The following CBX7 variants were observed in gnomAD, a reference collection of about 807,000 sequenced individuals.
CBX7 encodes the protein chromobox protein homolog 7.
A neutral mutation model predicts 31.4 loss-of-function variants in CBX7; 14 were observed. That is an observed-to-expected ratio of 0.45 (90% CI 0.29 to 0.70). The LOEUF is 0.70. CBX7 is among the 30% of genes least tolerant of loss of function. The probability of loss-of-function intolerance (pLI) is 0.11; values close to 1 mark genes in which losing one functional copy is unlikely to be tolerated. For synonymous variants in CBX7, 159 were observed against 152.6 expected, an observed-to-expected ratio of 1.04 and a Z score of -0.31; for missense variants, 269 against 351.9, an observed-to-expected ratio of 0.76 and a Z score of 1.89.
At chr22:39,140,980 C>A (rs1930434315) in intron 3 of CBX7, 1 of 225,158 alleles carries the variant, frequency 4.4e-6, no homozygotes, top group South Asian at 5.0e-5. Context: ...CACCCCCGCA[C>A]AACTGGCAGT....
intron 2 of CBX7, chr22:39,148,064 G>A (rs942741006): frequency 3.3e-5 from 5 of 152,282 alleles, no homozygotes; most frequent in African/African-American, 1.2e-4. Context: ...CAGCCATGGT[G>A]GGGCCCTGTC....
intron 3 of CBX7, among the ~76,000 whole-genome samples, chr22:39,140,282 G>T (rs60471858): frequency 0.017 from 2,553 of 152,266 alleles, 68 homozygotes; most frequent in African/African-American, 0.058. Flanking sequence ...CCTGGTGGAG[G>T]ACTAGAATCC....
intron 5 of CBX7, 28 bp from the exon 6 acceptor site, chr22:39,134,076 C>T: frequency 1.3e-6 from 2 of 1,565,442 alleles, no homozygotes; most frequent in Non-Finnish European, 1.7e-6. Flanking sequence ...CAGATGGGGG[C>T]AGCGTTGACA....
intron 1 of CBX7, among the ~76,000 whole-genome samples, chr22:39,151,177 G>A (rs573401887): frequency 9.8e-5 from 15 of 152,348 alleles, no homozygotes; most frequent in Admixed American, 2.0e-4. Flanking sequence ...TACACAGCAC[G>A]AAAAGCACTG....
intron 2 of CBX7, chr22:39,148,948 A>T (rs1930754898): frequency 6.6e-6 from 1 of 152,502 alleles, no homozygotes; most frequent in African/African-American, 2.4e-5. Flanking sequence ...AGCTCTGGGC[A>T]GAGGGGGTTT....
Position 39,134,742 on chromosome 22 carries a change from C to G in CBX7, c.257G>C (p.Ser86Thr). Residue 86 changes from serine (S) to threonine (T), a missense_variant, in exon 5 of 6, where the codon AGC (serine) becomes ACC (threonine). Transcript: ENST00000216133. ...PKRLLLQRLYSMDLRSSHKAK... is the reference protein window; with the variant it reads ...PKRLLLQRLYTMDLRSSHKAK... The stretch of plus-strand genomic sequence containing the variant: ...CTTGTGGGAGCTCCGCAGGTCCATG[C>G]TGTACAGCCGCTGCGGGGGCAAGCC... The G allele has an allele frequency of 6.5e-7, 1 of 1,536,728 alleles. No individual in the cohort carries two copies. The highest frequency in any genetic ancestry group is 1.2e-5 in the South Asian group (1 of 84,074).
rs138003979 is a variant in CBX7 at position 39,139,965 on chromosome 22, G to A, written c.180-1263C>T. Among the ~76,000 whole-genome samples the A allele has an allele frequency of 2.0e-3, 298 of 152,032 alleles. 4 individuals are homozygous for A. The highest frequency in any genetic ancestry group is 3.8e-4 in the Non-Finnish European group (26 of 67,970). On this transcript the variant is annotated intron_variant, in intron 3 of 5. Transcript: ENST00000216133. ...AAAAAGCACAACTTGACAATGCCAC[G>A]AAGCTACACATGACACATAAGACAA...
rs1930899034 is a variant in CBX7, at chr22:39,152,487, G to A, written c.-43C>T. 2 of 920,004 alleles carry A rather than the reference G, an allele frequency of 2.2e-6. No individual in the cohort carries two copies. 57.0% of individuals were successfully genotyped at this position (920,004 alleles called of 1,614,324 possible). ...CGGGCCCGGGGCCGGGCCGGGCCGG[G>A]GGCGGAGCTGCGGGGCCGCGGCTGC... On this transcript the variant is annotated 5_prime_UTR_variant, in exon 1 of 6. Coordinates refer to ENST00000216133, the MANE Select transcript of CBX7 (RefSeq NM_175709.5). The surrounding 1 kb of genome is among the most constrained non-coding windows in gnomAD (Gnocchi z 4.9).
Position 39,131,598 on chromosome 22 carries a change from G to C in CBX7, c.*2293C>G, listed in dbSNP as rs1053520349. 1.3e-5 allele frequency: 2 copies of C among 152,276 alleles called. No individual in the cohort carries two copies. Among genetic ancestry groups the C allele is most frequent in the Non-Finnish European group, 2.9e-5 (2 of 68,112 alleles). The allele number at this position is 152,276 out of a possible 1,614,324, so 9.4% of individuals were successfully genotyped here. ...CCACCCGTCCCAGGTCACACCCCTG[G>C]AGTTCAGCTCTCCCTGAGCCACGGA... is the stretch of plus-strand genomic sequence containing the variant. On this transcript the variant is annotated 3_prime_UTR_variant, in exon 6 of 6. Coordinates refer to ENST00000216133, the MANE Select transcript of CBX7 (RefSeq NM_175709.5).
chr22:39,151,273 A>G (rs185130560), intron 1 of CBX7, among the ~76,000 whole-genome samples: 1 of 152,300 alleles, frequency 6.6e-6, no homozygotes, highest in African/African-American at 2.4e-5. Flanking sequence ...CCTCAATCAG[A>G]AGAGTAAAAC....
At chr22:39,137,977 C>T (rs932615550) in intron 4 of CBX7, among the ~76,000 whole-genome samples, 11 of 152,092 alleles carry the variant, frequency 7.2e-5, no homozygotes, top group East Asian at 2.0e-4. Flanking sequence ...GTCAGGAGAT[C>T]GAGACCATCC....
chr22:39,137,438 T>C (rs1930293907), intron 4 of CBX7, among the ~76,000 whole-genome samples: 1 of 152,034 alleles, frequency 6.6e-6, no homozygotes, highest in South Asian at 2.1e-4. Flanking sequence ...AACCTCCACC[T>C]CCCGGGCTCA....
chr22:39,147,095 T>A (rs1863955176), intron 2 of CBX7: 2 of 136,568 alleles, frequency 1.5e-5, no homozygotes, highest in African/African-American at 5.4e-5. Flanking sequence ...ACTTTTTTTT[T>A]TTTTTTTTTT....
chr22:39,151,245 A>G (rs931773140), intron 1 of CBX7, among the ~76,000 whole-genome samples: 4 of 152,154 alleles, frequency 2.6e-5, no homozygotes, highest in Admixed American at 1.3e-4. Flanking sequence ...GAAAAAGGAG[A>G]AGGAGGAGGA....
At chr22:39,150,273 C>T (rs112050571) in intron 1 of CBX7, among the ~76,000 whole-genome samples, 20 of 152,350 alleles carry the variant, frequency 1.3e-4, no homozygotes, top group African/African-American at 4.8e-4. Flanking sequence ...AGTCCCCACG[C>T]TCCTCCCCCA....
In CBX7 at chr22:39,152,268, G is replaced by T; in HGVS notation, c.69+108C>A. On this transcript the variant is annotated intron_variant, in intron 1 of 5. Coordinates refer to ENST00000216133, the MANE Select transcript of CBX7 (RefSeq NM_175709.5). This position sits in a 1 kb window ranked among gnomAD's most constrained non-coding sequence, Gnocchi z 4.9. ...ACGGGCCCAGCAGCGCAGGGCTGCCGGGGCCCCCGCGCCCCGCTTTCCCCT... is the reference window on the plus strand; with the variant it reads ...ACGGGCCCAGCAGCGCAGGGCTGCCTGGGCCCCCGCGCCCCGCTTTCCCCT... 1 of 608,080 alleles carries T rather than the reference G, an allele frequency of 1.6e-6. No individual in the cohort carries two copies. The highest frequency in any genetic ancestry group is 2.3e-6 in the Non-Finnish European group (1 of 437,874). The allele number at this position is 608,080 out of a possible 1,614,324, so 37.7% of individuals were successfully genotyped here.
chr22:39,152,439 C>T lies in CBX7; in HGVS notation c.6G>A (p.Glu2=), dbSNP rs764795824. The T allele has an allele frequency of 4.0e-6, 5 of 1,258,418 alleles. No individual in the cohort carries two copies. The South Asian group carries it at 1.2e-4, about 29-fold the overall frequency. The allele number at this position is 1,258,418 out of a possible 1,614,324, so 78.0% of individuals were successfully genotyped here. Reference sequence around the variant, plus strand: ...ACACCTGCTCGCCGATGGCTGACAGCTCCATGCGGGGCGGCGGGCGAGCGG... The same window carrying T: ...ACACCTGCTCGCCGATGGCTGACAGTTCCATGCGGGGCGGCGGGCGAGCGG... M[E]LSAIGEQVFA... is the part of the protein sequence containing the mutation. Residue 2 remains glutamate, a synonymous_variant, in exon 1 of 6, where the codon GAG becomes GAA. Coordinates refer to ENST00000216133, the MANE Select transcript of CBX7 (RefSeq NM_175709.5). This position sits in a 1 kb window ranked among gnomAD's most constrained non-coding sequence, Gnocchi z 4.9.
At position 39,134,552 on chromosome 22, in the gene CBX7, C is replaced by T. The variant is rs763778953; in HGVS notation, c.447G>A (p.Leu149=). Residue 149 remains leucine, a synonymous_variant, in exon 5 of 6, where the codon CTG becomes CTA. Transcript: ENST00000216133. ...LRKPRKAHKY[L]RLSRKKFPPR... is the part of the protein sequence containing the mutation. ...GCGGGAACTTCTTGCGCGAGAGCCG[C>T]AGGTACTTGTGGGCCTTTCGGGGCT... 2 of 1,609,276 alleles carry T rather than the reference C, an allele frequency of 1.2e-6. No homozygotes were observed. The highest frequency in any genetic ancestry group is 1.3e-5 in the African/African-American group (1 of 75,024).
chr22:39,144,875 G>A (rs1442793432), intron 2 of CBX7, among the ~76,000 whole-genome samples: 1 of 152,254 alleles, frequency 6.6e-6, no homozygotes, highest in Admixed American at 6.5e-5. Context: ...GGCGAGGTAG[G>A]TGCTTAGTTC....
Sources: gnomAD v4.1 joint callset for allele counts (sites outside exome capture counted in the v4.1 genomes callset) on GRCh38, gnomAD v4.1.1 for gene constraint, Gnocchi (gnomAD v3.1) non-coding constraint, MANE v1.5 for transcripts, NCBI Gene and HGNC (gene_info 2026-07-23, HGNC 2026-07-21) for gene names.